ABHD5: variants seen among roughly 807,000 people sequenced by gnomAD.
ABHD5 encodes the protein abhydrolase domain containing 5, lysophosphatidic acid acyltransferase.
ABHD5 carries 30 observed loss-of-function variants against 44.9 expected under a neutral mutation model. That is an observed-to-expected ratio of 0.67 (90% confidence interval 0.50 to 0.91). The LOEUF (loss-of-function observed/expected upper bound fraction) is 0.91. Among genes scored for constraint, ABHD5 ranks in the 40% least tolerant of loss-of-function variants. The probability of loss-of-function intolerance (pLI) is 0.00; values close to 1 mark genes in which losing one functional copy is unlikely to be tolerated. For synonymous variants in ABHD5, 167 were observed against 147.0 expected, an observed-to-expected ratio of 1.14 and a Z score of -0.99; for missense variants, 399 against 423.4, an observed-to-expected ratio of 0.94 and a Z score of 0.50.
chr3:43,714,986 GA>G lies in ABHD5; in HGVS notation c.704del (p.Lys235SerfsTer11). The part of the protein sequence containing the change: ...LVQRLRPDFK[R>X]KYSSMFEDDT... ...CAGCGTTTAAGGCCTGATTTCAAACGAAAGTATTCTTCAATGTTCGAAGACG... is the reference window on the plus strand; with the variant it reads ...CAGCGTTTAAGGCCTGATTTCAAACGAAGTATTCTTCAATGTTCGAAGACG... On this transcript the variant is annotated frameshift_variant, in exon 5 of 7. Coordinates refer to ENST00000644371, the MANE Select transcript of ABHD5 (RefSeq NM_016006.6). LOFTEE classifies it high-confidence loss of function. The G allele has an allele frequency of 6.2e-7, 1 of 1,613,094 alleles. No homozygotes were observed. The highest frequency in any genetic ancestry group is 8.5e-7 in the Non-Finnish European group (1 of 1,179,598).
intron 7 of ABHD5, among the ~76,000 whole-genome samples, chr3:43,730,960 C>G (rs2084909178): frequency 6.6e-6 from 1 of 152,140 alleles, no homozygotes; most frequent in Non-Finnish European, 1.5e-5. Context: ...TCCTGAGTAG[C>G]TGCGACTACA....
At chr3:43,695,394 TAGAG>T (rs200841304) in intron 1 of ABHD5, among the ~76,000 whole-genome samples, 2 of 152,194 alleles carry the variant, frequency 1.3e-5, no homozygotes, top group African/African-American at 4.8e-5. Context: ...TTAAATGAGA[TAGAG>T]AGCTGTGCTT....
intron 3 of ABHD5, among the ~76,000 whole-genome samples, chr3:43,704,417 A>T (rs1289359008): frequency 1.3e-5 from 2 of 152,240 alleles, no homozygotes; most frequent in Non-Finnish European, 2.9e-5. Context: ...AAGGAAGTAG[A>T]TGCTTTTCTG....
Position 43,714,825 on chromosome 3 carries a change from C to CAT in ABHD5, c.662-113_662-112dup, listed in dbSNP as rs565911264. On this transcript the variant is annotated intron_variant, in intron 4 of 6. Coordinates refer to ENST00000644371, the MANE Select transcript of ABHD5 (RefSeq NM_016006.6). Reference sequence around the variant, plus strand: ...CCCACCTACAATATATATTTGAATACATATATATATGTGTGCATATAACAC... The same window carrying CAT: ...CCCACCTACAATATATATTTGAATACATATATATATATGTGTGCATATAACAC... 255 of 650,464 alleles carry CAT rather than the reference C, an allele frequency of 3.9e-4. 1 individual carries two copies. The highest frequency in any genetic ancestry group is 1.7e-3 in the South Asian group (109 of 62,480). 40.3% of individuals were successfully genotyped at this position (650,464 alleles called of 1,614,324 possible). A position where few individuals can be genotyped will look rare whatever the true frequency, so the allele number is the denominator to read the frequency against.
rs532900332 is a variant in ABHD5 at position 43,716,938 on chromosome 3, C to T, written c.774-733C>T. Among the ~76,000 whole-genome samples the T allele has an allele frequency of 1.9e-4, 29 of 152,134 alleles. No homozygotes were observed. In the Middle Eastern group the frequency reaches 0.01, roughly 54 times the overall value. On this transcript the variant is annotated intron_variant, in intron 5 of 6. Coordinates refer to ENST00000644371, the MANE Select transcript of ABHD5 (RefSeq NM_016006.6). ...CTGTAATCCCAGCACTTTGGGAGGCCGAGGCGGGCAGATCACAAGGTCAGG... is the reference window on the plus strand; with the variant it reads ...CTGTAATCCCAGCACTTTGGGAGGCTGAGGCGGGCAGATCACAAGGTCAGG...
intron 3 of ABHD5, among the ~76,000 whole-genome samples, chr3:43,703,872 A>C (rs1032675990): frequency 1.3e-5 from 2 of 150,964 alleles, no homozygotes; most frequent in Non-Finnish European, 3.0e-5. Flanking sequence ...TTCTCTATAG[A>C]CTCTTTATCT....
rs773740366 is a variant in ABHD5 at position 43,702,479 on chromosome 3, A to C, written c.398A>C (p.Glu133Ala). The change falls in exon 3 of 7, where the codon GAA (glutamate) becomes GCA (alanine). Residue 133 changes from glutamate to alanine, a missense_variant. Physicochemically the swap from Glu to Ala is moderately radical, Grantham distance 107. Transcript: ENST00000644371. ...GAAGAAGTGGAGAATCAGTTTGTGG[A>C]ATCCATTGAAGAGTGGAGATGTGCC... ...DAEEVENQFV[E>A]SIEEWRCALG... 2 of 1,614,248 alleles carry C rather than the reference A, an allele frequency of 1.2e-6. No homozygotes were observed. Among genetic ancestry groups the C allele is most frequent in the South Asian group, 2.2e-5 (2 of 91,086 alleles).
intron 1 of ABHD5, among the ~76,000 whole-genome samples, chr3:43,694,154 G>A (rs1191322043): frequency 6.6e-6 from 1 of 151,370 alleles, no homozygotes; most frequent in Non-Finnish European, 1.5e-5. Flanking sequence ...AGCTACTCGG[G>A]AGGCTGAGGC....
At chr3:43,702,065 A>C in intron 2 of ABHD5, 150 bp from the exon 3 acceptor site, 1 of 706,788 alleles carries the variant, frequency 1.4e-6, no homozygotes, top group Non-Finnish European at 2.3e-6. Flanking sequence ...TACTTCAATA[A>C]AATGTGTACT....
rs367740710 is a variant in ABHD5, at chr3:43,711,708, G to T, written c.507-1G>T. 6.2e-7 allele frequency: 1 copy of T among 1,614,104 alleles called. No individual in the cohort carries two copies. The highest frequency in any genetic ancestry group is 2.2e-5 in the East Asian group (1 of 44,876). On this transcript the variant is annotated splice_acceptor_variant, in intron 3 of 6. Coordinates refer to ENST00000644371, the MANE Select transcript of ABHD5 (RefSeq NM_016006.6). LOFTEE classifies it high-confidence loss of function. The stretch of plus-strand genomic sequence containing the variant: ...CTTAAATATATTCTTTCCCCCAACA[G>T]GGTTAATCATCTCATTTTAGTGGAG...
chr3:43,698,946 A>G (rs187372926), intron 1 of ABHD5, among the ~76,000 whole-genome samples: 92 of 152,302 alleles, frequency 6.0e-4, no homozygotes, highest in Non-Finnish European at 1.2e-3. Flanking sequence ...TTCTACCCCA[A>G]TAAGAGGCTG....
chr3:43,726,659 C>G (rs1352759571), downstream of ABHD5, among the ~76,000 whole-genome samples: 1 of 152,238 alleles, frequency 6.6e-6, no homozygotes, highest in African/African-American at 2.4e-5. Flanking sequence ...ACCACATCCT[C>G]AAGTGCAGTC....
intron 3 of ABHD5, among the ~76,000 whole-genome samples, chr3:43,710,235 T>C (rs2084670361): frequency 6.6e-6 from 1 of 152,184 alleles, no homozygotes; most frequent in African/African-American, 2.4e-5. Flanking sequence ...TCACATATCT[T>C]CATACATCTC....
chr3:43,704,975 C>T (rs1279532801), intron 3 of ABHD5, among the ~76,000 whole-genome samples: 2 of 152,096 alleles, frequency 1.3e-5, no homozygotes, highest in African/African-American at 4.8e-5. Flanking sequence ...ATATTCTTAA[C>T]TGCATAAAAC....
At position 43,719,376 on chromosome 3, in the gene ABHD5, T is replaced by A. The variant is rs2084807163; in HGVS notation, c.*844T>A. The A allele has an allele frequency of 6.6e-6, 1 of 152,232 alleles. No individual in the cohort carries two copies. Among genetic ancestry groups the A allele is most frequent in the Non-Finnish European group, 1.5e-5 (1 of 68,042 alleles). 9.4% of individuals were successfully genotyped at this position (152,232 alleles called of 1,614,324 possible). ...GGATGCAGCAAATGAAACAGATTTC[T>A]TCTCTTAAGGGGATATTAAGACTGT... On this transcript the variant is annotated 3_prime_UTR_variant, in exon 7 of 7. Coordinates refer to ENST00000644371, the MANE Select transcript of ABHD5 (RefSeq NM_016006.6).
intron 3 of ABHD5, among the ~76,000 whole-genome samples, chr3:43,704,412 A>AG (rs1358826337): frequency 6.6e-6 from 1 of 152,230 alleles, no homozygotes; most frequent in African/African-American, 2.4e-5. Context: ...AGGAGAAGGA[A>AG]GTAGATGCTT....
intron 1 of ABHD5, among the ~76,000 whole-genome samples, chr3:43,696,088 T>C (rs1423406440): frequency 6.6e-6 from 1 of 152,216 alleles, no homozygotes; most frequent in Non-Finnish European, 1.5e-5. Context: ...GAAAACTTTT[T>C]GGCTTGCATT....
At chr3:43,711,101 G>A (rs1397269218) in intron 3 of ABHD5, among the ~76,000 whole-genome samples, 2 of 152,172 alleles carry the variant, frequency 1.3e-5, no homozygotes, top group Admixed American at 1.3e-4. Context: ...AGATAGACTT[G>A]TTCCTTTTCA....
exon 8 of ABHD5, chr3:43,734,161 G>A (rs904246473): frequency 2.6e-5 from 4 of 152,260 alleles, no homozygotes; most frequent in Non-Finnish European, 5.9e-5. Context: ...GTGGCTTATA[G>A]CTGTCTCCTC....
Sources: gnomAD v4.1 joint callset for allele counts (sites outside exome capture counted in the v4.1 genomes callset) on GRCh38, gnomAD v4.1.1 for gene constraint, MANE v1.5 for transcripts, NCBI Gene and HGNC (gene_info 2026-07-23, HGNC 2026-07-21) for gene names.